Variants in KBTBD11 observed in about 807,000 individuals in gnomAD.
KBTBD11 encodes kelch repeat and BTB domain-containing protein 11.
For synonymous variants in KBTBD11, 747 were observed against 499.0 expected (o/e 1.50, Z -6.63); for missense variants, 1,390 against 1,001.8 (o/e 1.39, Z -5.23).
chr8:1,974,824 G>T, intron 1 of KBTBD11: 1 of 386,154 alleles, frequency 2.6e-6, no homozygotes, highest in Non-Finnish European at 3.5e-6. Flanking sequence ...CCACTCCAGT[G>T]TCTATTCTAA....
intron 1 of KBTBD11, among the ~76,000 whole-genome samples, chr8:1,994,355 CA>C (rs1817053006): frequency 6.6e-6 from 1 of 152,216 alleles, no homozygotes; most frequent in South Asian, 2.1e-4. Context: ...CTACAGGATG[CA>C]GGGGCAACCG....
chr8:1,992,831 AT>A (rs57768291), intron 1 of KBTBD11, among the ~76,000 whole-genome samples: 23,754 of 150,642 alleles, frequency 0.16, 2,002 homozygotes, highest in Non-Finnish European at 0.17. Flanking sequence ...TCTTTTATTT[AT>A]TTTTTTTTTT....
chr8:1,988,797 T>C (rs561776904), intron 1 of KBTBD11, among the ~76,000 whole-genome samples: 3 of 152,152 alleles, frequency 2.0e-5, no homozygotes, highest in South Asian at 4.2e-4. Context: ...GCGCGCTGTC[T>C]GGCACATTGT....
At chr8:1,986,157 CGTT>C (rs1164466146) in intron 1 of KBTBD11, among the ~76,000 whole-genome samples, 1 of 152,220 alleles carries the variant, frequency 6.6e-6, no homozygotes, top group African/African-American at 2.4e-5. Flanking sequence ...GGGTTGGCCA[CGTT>C]GTGCTTGCCT....
intron 1 of KBTBD11, among the ~76,000 whole-genome samples, chr8:1,979,863 C>G (rs1169094357): frequency 1.3e-5 from 2 of 152,248 alleles, no homozygotes. Flanking sequence ...ACACTCCTGG[C>G]TGCACCCTCT....
At chr8:1,991,464 T>G (rs554425622) in intron 1 of KBTBD11, among the ~76,000 whole-genome samples, 26 of 152,320 alleles carry the variant, frequency 1.7e-4, no homozygotes, top group African/African-American at 6.3e-4. Flanking sequence ...CCTGTCCTCT[T>G]CCCATTTTTA....
intron 1 of KBTBD11, among the ~76,000 whole-genome samples, chr8:1,989,205 T>TA (rs1308526521): frequency 2.0e-5 from 3 of 152,202 alleles, no homozygotes; most frequent in Non-Finnish European, 4.4e-5. Flanking sequence ...GAAGGGCAGA[T>TA]GCTTCCTATT....
intron 1 of KBTBD11, among the ~76,000 whole-genome samples, chr8:1,987,022 A>AC (rs60469912): frequency 1.2e-4 from 14 of 117,450 alleles, no homozygotes; most frequent in African/African-American, 4.1e-4. Context: ...AAAAAAAAAA[A>AC]AAAAAAAAAA....
At chr8:1,976,561 T>TCCCCCAC (rs1816351443) in intron 1 of KBTBD11, 2 of 150,898 alleles carry the variant, frequency 1.3e-5, no homozygotes, top group Non-Finnish European at 3.0e-5. Flanking sequence ...GTTCCCCTGC[T>TCCCCCAC]CCCCCACCCC....
At chr8:1,994,378 G>A (rs1817054410) in intron 1 of KBTBD11, among the ~76,000 whole-genome samples, 1 of 152,228 alleles carries the variant, frequency 6.6e-6, no homozygotes, top group South Asian at 2.1e-4. Flanking sequence ...CGACCCGCCT[G>A]AACATTCCAG....
chr8:1,984,638 T>C (rs920321630), intron 1 of KBTBD11, among the ~76,000 whole-genome samples: 4 of 148,616 alleles, frequency 2.7e-5, no homozygotes, highest in Non-Finnish European at 4.4e-5. Context: ...CATGAACAGC[T>C]AGGTGAGTGG....
intron 1 of KBTBD11, among the ~76,000 whole-genome samples, chr8:1,994,200 T>A (rs1489238489): frequency 6.6e-6 from 1 of 152,198 alleles, no homozygotes; most frequent in Non-Finnish European, 1.5e-5. Context: ...CCTACTGTTA[T>A]TCCCCTAAAT....
At position 2,005,353 on chromosome 8, in the gene KBTBD11, G is replaced by A. The variant is rs1196039325; in HGVS notation, c.*2289G>A. 26 of 167,122 alleles carry A rather than the reference G, an allele frequency of 1.6e-4. No individual in the cohort carries two copies. The Admixed American group carries it at 1.7e-3, about 11-fold the overall frequency. The allele number at this position is 167,122 out of a possible 1,614,324, so 10.4% of individuals were successfully genotyped here. ...AATTTATAGAATAGTATACACCACA[G>A]TTCTGAATAGTGATATCACATAAAA... On this transcript the variant is annotated 3_prime_UTR_variant, in exon 2 of 2. Transcript: ENST00000320248.
chr8:1,996,285 G>T (rs1487214155), intron 1 of KBTBD11, among the ~76,000 whole-genome samples: 3 of 150,858 alleles, frequency 2.0e-5, no homozygotes, highest in Non-Finnish European at 3.0e-5. Context: ...TTTTTTTTTT[G>T]GACGGGGTTT....
chr8:1,984,279 GTTTTTTTTTTTTT>G (rs71211539), intron 1 of KBTBD11, among the ~76,000 whole-genome samples: 4 of 98,566 alleles, frequency 4.1e-5, no homozygotes, highest in Admixed American at 1.1e-4. Flanking sequence ...CTCTAAAAAA[GTTTTTTTTTTTTT>G]TTTTTTTTTT....
In KBTBD11 at chr8:2,003,681, T is replaced by C. The variant is rs1817484691; in HGVS notation, c.*617T>C. The C allele has an allele frequency of 1.2e-5, 2 of 167,078 alleles. No individual in the cohort carries two copies. Among genetic ancestry groups the C allele is most frequent in the South Asian group, 4.1e-4 (2 of 4,834 alleles). 10.3% of individuals were successfully genotyped at this position (167,078 alleles called of 1,614,324 possible). ...TCTTGTTCAATATGCATTGGAAGTA[T>C]TTCCTTCCCCACACCATTGCTACTC... is the stretch of plus-strand genomic sequence containing the variant. On this transcript the variant is annotated 3_prime_UTR_variant, in exon 2 of 2. Transcript: ENST00000320248.
rs1212180041 is a variant in KBTBD11 at position 2,002,102 on chromosome 8, G to C, written c.910G>C (p.Ala304Pro). 9.2e-6 allele frequency: 10 copies of C among 1,089,984 alleles called. No individual in the cohort carries two copies. Among genetic ancestry groups the C allele is most frequent in the Admixed American group, 5.2e-5 (1 of 19,162 alleles). 67.5% of individuals were successfully genotyped at this position (1,089,984 alleles called of 1,614,324 possible). A position where few individuals can be genotyped will look rare whatever the true frequency, so the allele number is the denominator to read the frequency against. ...CCTCTTGGCCGCGGCGCTCGGGCCG[G>C]CGGGGGAGCGCGCGGGCAGCCGGCC... ...AHLLAAALGP[A>P]GERAGSRPQS... Residue 304 changes from alanine (A) to proline (P), a missense_variant, in exon 2 of 2, where the codon GCG (alanine) becomes CCG (proline). Ala to Pro is a conservative substitution (Grantham distance 27). Coordinates refer to ENST00000320248, the MANE Select transcript of KBTBD11 (RefSeq NM_014867.3). The surrounding 1 kb of genome is among the most constrained non-coding windows in gnomAD (Gnocchi z 4.1).
At chr8:1,993,922 T>TACGC (rs1817031617) in intron 1 of KBTBD11, among the ~76,000 whole-genome samples, 1 of 139,692 alleles carries the variant, frequency 7.2e-6, no homozygotes, top group African/African-American at 2.7e-5. Context: ...CAATACCCCC[T>TACGC]ACACACACAC....
chr8:1,974,512 G>C (rs1816253988), intron 1 of KBTBD11: 1 of 984,972 alleles, frequency 1.0e-6, no homozygotes, highest in African/African-American at 1.8e-5. Flanking sequence ...GGGCCCTGGG[G>C]AGGGGAGCGC....
Sources: gnomAD v4.1 joint callset for allele counts (sites outside exome capture counted in the v4.1 genomes callset) on GRCh38, gnomAD v4.1.1 for gene constraint, Gnocchi (gnomAD v3.1) non-coding constraint, MANE v1.5 for transcripts, NCBI Gene and HGNC (gene_info 2026-07-23, HGNC 2026-07-21) for gene names.